The following MYH13 variants were observed in gnomAD, a reference collection of about 807,000 sequenced individuals.
MYH13 encodes the protein myosin heavy chain 13, also known as myosin-13.
A neutral mutation model predicts 232.1 loss-of-function variants in MYH13; 177 were observed. The observed-to-expected ratio is 0.76, with a 90% CI of 0.67 to 0.86. The LOEUF is 0.86. MYH13 is among the 40% of genes least tolerant of loss of function. MYH13 has a pLI of 0.00. For missense variants in MYH13, 2,246 were observed against 2,405.9 expected (o/e 0.93, Z 1.39); for synonymous variants, 884 against 923.5 (o/e 0.96, Z 0.78).
rs1906549794 is a variant in MYH13, at chr17:10,312,660, C to T, written c.4279G>A (p.Gly1427Arg). 15 of 1,613,368 alleles carry T rather than the reference C, an allele frequency of 9.3e-6. No individual in the cohort carries two copies. Among genetic ancestry groups the T allele is most frequent in the Non-Finnish European group, 1.2e-5 (14 of 1,179,740 alleles). The change falls in exon 31 of 41, where the codon GGA (glycine) becomes AGA (arginine). Residue 1427 changes from glycine (G) to arginine (R), a missense_variant. Gly to Arg is a moderately radical substitution (Grantham distance 125, BLOSUM62 -2). Transcript: ENST00000252172. ...SLEKTKQRLQ[G>R]EVEDLMRDLE... is the part of the protein sequence containing the mutation. ...TCCCGCATCAGATCCTCCACCTCTC[C>T]CTGCAGCCTCTGCTTGGTTTTCTCC...
chr17:10,359,716 A>AGAATT (rs754173880), intron 7 of MYH13, among the ~76,000 whole-genome samples: 62 of 152,306 alleles, frequency 4.1e-4, no homozygotes, highest in Admixed American at 1.0e-3. Context: ...AGTTAGTATC[A>AGAATT]GAATTGAATT....
At chr17:10,329,329 A>G (rs2142243680) in intron 21 of MYH13, among the ~76,000 whole-genome samples, 1 of 152,312 alleles carries the variant, frequency 6.6e-6, no homozygotes, top group African/African-American at 2.4e-5. Flanking sequence ...CTCTTGAATT[A>G]TCAAAGGAAA....
At chr17:10,336,003 G>A (rs112569338) in intron 18 of MYH13, among the ~76,000 whole-genome samples, 15 of 152,262 alleles carry the variant, frequency 9.9e-5, no homozygotes, top group South Asian at 2.1e-4. Context: ...TCCTGTTAGG[G>A]GTCGTGTCCG....
At position 10,360,031 on chromosome 17, in the gene MYH13, C is replaced by T. The variant is rs1179651135; in HGVS notation, c.574G>A (p.Val192Ile). ...GCAATTGTTGCAAAATACTGGATGA[C>T]ACGCTTGGTGTTCACAGTCTTCCCA... ...GAGKTVNTKR[V>I]IQYFATIAVT... The change falls in exon 7 of 41, where the codon GTC becomes ATC. Residue 192 changes from valine (V) to isoleucine (I), a missense_variant. Coordinates refer to ENST00000252172, the MANE Select transcript of MYH13 (RefSeq NM_003802.3). 1 of 1,614,004 alleles carries T rather than the reference C, an allele frequency of 6.2e-7. No homozygotes were observed. Among genetic ancestry groups the T allele is most frequent in the African/African-American group, 1.3e-5 (1 of 74,878 alleles).
rs755378835 is a variant in MYH13 at position 10,340,416 on chromosome 17, A to G, written c.1895-15T>C. The G allele has an allele frequency of 2.4e-5, 38 of 1,606,028 alleles. No homozygotes were observed. The highest frequency in any genetic ancestry group is 3.1e-5 in the Non-Finnish European group (37 of 1,175,070). On this transcript the variant is annotated splice_polypyrimidine_tract_variant and intron_variant, in intron 16 of 40. Coordinates refer to ENST00000252172, the MANE Select transcript of MYH13 (RefSeq NM_003802.3). ...TCCGGAGTCGCCTGGAGACAGACAC[A>G]GAAGAGCGTGTTAGATGCATCCCAG...
rs768932070 is a variant in MYH13 at position 10,306,971 on chromosome 17, C to T, written c.5263G>A (p.Ala1755Thr). 1.4e-5 allele frequency: 22 copies of T among 1,613,864 alleles called. No individual in the cohort carries two copies. Among genetic ancestry groups the T allele is most frequent in the East Asian group, 6.7e-5 (3 of 44,904 alleles). ...VENSIQESRNAEEKAKKAITD... is the reference protein window; with the variant it reads ...VENSIQESRNTEEKAKKAITD... ...ATGGCCTTCTTGGCCTTCTCCTCTG[C>T]GTTCCTGGACTCCTGGATCGAGTTC... Residue 1755 changes from alanine to threonine, a missense_variant, in exon 36 of 41, where the codon GCA becomes ACA. By Grantham distance (58) the Ala-to-Thr change is moderately conservative. Transcript: ENST00000252172. The surrounding 1 kb of genome is among the most constrained non-coding windows in gnomAD (Gnocchi z 4.3).
intron 3 of MYH13, 142 bp from the exon 4 acceptor site, chr17:10,362,645 C>A: frequency 8.6e-7 from 1 of 1,158,922 alleles, no homozygotes. Flanking sequence ...TTTCCATGCC[C>A]CAACATGATC....
intron 17 of MYH13, 37 bp from the exon 18 acceptor site, chr17:10,340,274 G>A (rs1289718172): frequency 1.1e-5 from 18 of 1,612,776 alleles, no homozygotes; most frequent in Non-Finnish European, 1.5e-5. Context: ...TTTAGCAACT[G>A]CCATTTCACT....
At chr17:10,334,907 T>C (rs2071560621) in intron 18 of MYH13, among the ~76,000 whole-genome samples, 1 of 151,738 alleles carries the variant, frequency 6.6e-6, no homozygotes, top group South Asian at 2.1e-4. Context: ...ATAAATACAA[T>C]AATTAAAAAA....
At chr17:10,372,124 T>A (rs905410499) in intron 1 of MYH13, among the ~76,000 whole-genome samples, 1 of 152,220 alleles carries the variant, frequency 6.6e-6, no homozygotes, top group Non-Finnish European at 1.5e-5. Context: ...GCATCTTAAA[T>A]AATCTCCAGT....
At chr17:10,368,282 T>C (rs1221689145) in intron 2 of MYH13, among the ~76,000 whole-genome samples, 2 of 152,218 alleles carry the variant, frequency 1.3e-5, no homozygotes, top group African/African-American at 2.4e-5. Flanking sequence ...AAAGTTGTGA[T>C]TTATAACAAA....
intron 2 of MYH13, among the ~76,000 whole-genome samples, chr17:10,364,976 C>T (rs1218507335): frequency 1.3e-5 from 2 of 152,020 alleles, no homozygotes; most frequent in East Asian, 1.9e-4. Context: ...CAGGTTCAAG[C>T]GATTCTCCTC....
chr17:10,340,092 A>C, intron 18 of MYH13, 58 bp downstream of exon 18: 3 of 1,462,770 alleles, frequency 2.1e-6, no homozygotes, highest in Non-Finnish European at 2.8e-6. Flanking sequence ...AGAATTTTGC[A>C]TTTATCTCAG....
chr17:10,328,592 G>A lies in MYH13; in HGVS notation c.2436-471C>T, dbSNP rs1423278553. Among the ~76,000 whole-genome samples the A allele has an allele frequency of 2.6e-5, 4 of 152,066 alleles. No homozygotes were observed. The East Asian group carries it at 7.7e-4, about 29-fold the overall frequency. ...ATATGGGGTTCCTCTTCCTGCTGGA[G>A]AAACCCAGGACTTGTCCTTGGTCAT... On this transcript the variant is annotated intron_variant, in intron 21 of 40. Coordinates refer to ENST00000252172, the MANE Select transcript of MYH13 (RefSeq NM_003802.3).
Position 10,318,932 on chromosome 17 carries a change from T to C in MYH13, c.3596A>G (p.Lys1199Arg). Residue 1199 changes from lysine to arginine, a missense_variant, in exon 27 of 41, where the codon AAG becomes AGG. By Grantham distance (26) the Lys-to-Arg change is conservative. Coordinates refer to ENST00000252172, the MANE Select transcript of MYH13 (RefSeq NM_003802.3). ...AAGCTCGGCCACACTATCTGCTTGCTTCTTCCTCAGGGTGGCTGCTGTGGC... is the reference window on the plus strand; with the variant it reads ...AAGCTCGGCCACACTATCTGCTTGCCTCTTCCTCAGGGTGGCTGCTGTGGC... ...HEATAATLRK[K>R]QADSVAELGE... 2 of 1,614,194 alleles carry C rather than the reference T, an allele frequency of 1.2e-6. No homozygotes were observed. Among genetic ancestry groups the C allele is most frequent in the South Asian group, 1.1e-5 (1 of 91,088 alleles).
chr17:10,302,517 A>G (rs1342820671), intron 39 of MYH13, among the ~76,000 whole-genome samples: 2 of 152,210 alleles, frequency 1.3e-5, no homozygotes, highest in Non-Finnish European at 2.9e-5. Context: ...TAAAGCAACC[A>G]GGGTAACTTT....
At chr17:10,360,987 T>G (rs569190648) in intron 5 of MYH13, among the ~76,000 whole-genome samples, 3 of 152,310 alleles carry the variant, frequency 2.0e-5, no homozygotes, top group Admixed American at 2.0e-4. Context: ...CTCAGCGTCC[T>G]CAGACTAACC....
At chr17:10,348,006 C>T (rs1404693161) in intron 12 of MYH13, among the ~76,000 whole-genome samples, 2 of 152,044 alleles carry the variant, frequency 1.3e-5, no homozygotes, top group Non-Finnish European at 2.9e-5. Flanking sequence ...CCACCTTGCC[C>T]AGCCCCCAGG....
At chr17:10,326,989 T>G (rs1358937694) in intron 22 of MYH13, among the ~76,000 whole-genome samples, 2 of 25,202 alleles carry the variant, frequency 7.9e-5, no homozygotes, top group Non-Finnish European at 1.7e-4. Context: ...TAGTTTTTTT[T>G]TTTTTTTTTT....
Sources: gnomAD v4.1 joint callset for allele counts (sites outside exome capture counted in the v4.1 genomes callset) on GRCh38, gnomAD v4.1.1 for gene constraint, Gnocchi (gnomAD v3.1) non-coding constraint, MANE v1.5 for transcripts, NCBI Gene and HGNC (gene_info 2026-07-23, HGNC 2026-07-21) for gene names.